Variants in LMNTD1 observed in about 807,000 individuals in gnomAD.
LMNTD1 encodes the protein lamin tail domain containing 1, also known as lamin tail domain-containing protein 1.
A neutral mutation model predicts 50.9 loss-of-function variants in LMNTD1; 35 were observed. The observed-to-expected ratio is 0.69, with a 90% CI of 0.53 to 0.91. The LOEUF (loss-of-function observed/expected upper bound fraction) is 0.91. LMNTD1 is among the 40% of genes least tolerant of loss of function. The pLI is 0.00. For missense variants in LMNTD1, 470 were observed against 475.5 expected (o/e 0.99, Z 0.11); for synonymous variants, 153 against 161.9 (o/e 0.94, Z 0.42).
At chr12:25,499,237 G>GT (rs1939242563) in intron 9 of LMNTD1, among the ~76,000 whole-genome samples, 1 of 151,968 alleles carries the variant, frequency 6.6e-6, no homozygotes, top group Non-Finnish European at 1.5e-5. Flanking sequence ...ACACCCGGCT[G>GT]TTTTTTAAAT....
intron 6 of LMNTD1, among the ~76,000 whole-genome samples, chr12:25,525,566 G>C (rs1941646014): frequency 1.3e-5 from 2 of 152,164 alleles, no homozygotes; most frequent in South Asian, 4.1e-4. Context: ...TTAGGAATAT[G>C]AGATATCAAA....
intron 1 of LMNTD1, among the ~76,000 whole-genome samples, chr12:25,621,254 A>ACACT (rs1421989035): frequency 5.9e-5 from 9 of 152,096 alleles, no homozygotes. Flanking sequence ...AGACAGGGTC[A>ACACT]CACTCTGTCA....
chr12:25,477,644 T>C (rs1422752456), intron 9 of LMNTD1, among the ~76,000 whole-genome samples: 1 of 152,136 alleles, frequency 6.6e-6, no homozygotes, highest in African/African-American at 2.4e-5. Context: ...GATTTGTTTT[T>C]TTCCTGGTGG....
chr12:25,482,558 A>AT (rs1335100174), intron 9 of LMNTD1, among the ~76,000 whole-genome samples: 1 of 152,042 alleles, frequency 6.6e-6, no homozygotes. Context: ...AATTTTGAAT[A>AT]TATCTTTGAA....
In LMNTD1 at chr12:25,506,212, G is replaced by C. The variant is rs569898101; in HGVS notation, c.1190-2412C>G. Among the ~76,000 whole-genome samples, 14 of 152,306 alleles carry C rather than the reference G, an allele frequency of 9.2e-5. No homozygotes were observed. In the East Asian group the frequency reaches 1.7e-3, roughly 19 times the overall value. On this transcript the variant is annotated intron_variant, in intron 8 of 9. Transcript: ENST00000458174. The stretch of plus-strand genomic sequence containing the variant: ...TTCATTCCTGCGTAAGGTTATCTAT[G>C]TTCTGCTTTTATTTATTTTCTAGCA...
At chr12:25,582,369 T>A (rs1035340862) in intron 1 of LMNTD1, 1 of 152,238 alleles carries the variant, frequency 6.6e-6, no homozygotes, top group African/African-American at 2.4e-5. Context: ...TTAAATCAGC[T>A]GTTATTTTTC....
intron 1 of LMNTD1, among the ~76,000 whole-genome samples, chr12:25,566,390 T>C (rs996962902): frequency 6.6e-6 from 1 of 152,240 alleles, no homozygotes; most frequent in Non-Finnish European, 1.5e-5. Flanking sequence ...GCTCCACGTT[T>C]TCGCAAGTGC....
At chr12:25,499,250 T>A (rs1428680833) in intron 9 of LMNTD1, among the ~76,000 whole-genome samples, 1 of 152,044 alleles carries the variant, frequency 6.6e-6, no homozygotes, top group Non-Finnish European at 1.5e-5. Flanking sequence ...TTTTAAATTT[T>A]TTTTGTAGTG....
intron 2 of LMNTD1, among the ~76,000 whole-genome samples, chr12:25,551,935 CA>C (rs1373991494): frequency 2.0e-5 from 3 of 152,302 alleles, no homozygotes; most frequent in African/African-American, 7.2e-5. Context: ...GGGGCAGTTA[CA>C]AAAGCTCAAG....
At position 25,553,261 on chromosome 12, in the gene LMNTD1, G is replaced by T; in HGVS notation, c.-223C>A. 1 of 1,453,630 alleles carries T rather than the reference G, an allele frequency of 6.9e-7. No homozygotes were observed. The highest frequency in any genetic ancestry group is 1.5e-5 in the South Asian group (1 of 67,402). The allele number at this position is 1,453,630 out of a possible 1,614,324, so 90.0% of individuals were successfully genotyped here. On this transcript the variant is annotated 5_prime_UTR_variant, in exon 1 of 10. Coordinates refer to ENST00000458174, the MANE Select transcript of LMNTD1 (RefSeq NM_001145728.2). ...AAGCAGCTTGAGAGGGCAGTAACTTGGCAAAGAGACCTTTATGACTACAGT... is the reference window on the plus strand; with the variant it reads ...AAGCAGCTTGAGAGGGCAGTAACTTTGCAAAGAGACCTTTATGACTACAGT...
In LMNTD1 at chr12:25,551,652, A is replaced by G. The variant is rs543533393; in HGVS notation, c.89+1219T>C. On this transcript the variant is annotated intron_variant, in intron 2 of 9. Transcript: ENST00000458174. The stretch of plus-strand genomic sequence containing the variant: ...AGTGATTCTTTTGCCTTGGCCTCCC[A>G]AATTGCTGGAATTACAGGCATGAGC... Among the ~76,000 whole-genome samples, 4 of 152,312 alleles carry G rather than the reference A, an allele frequency of 2.6e-5. No individual in the cohort carries two copies. In the South Asian group the frequency reaches 8.3e-4, roughly 32 times the overall value.
At chr12:25,520,866 T>C (rs76115254) in intron 6 of LMNTD1, among the ~76,000 whole-genome samples, 216 of 152,292 alleles carry the variant, frequency 1.4e-3, no homozygotes, top group African/African-American at 5.0e-3. Context: ...CAACATTTGT[T>C]ATTATATCTC....
chr12:25,587,917 T>C (rs1459294973), intron 1 of LMNTD1, among the ~76,000 whole-genome samples: 1 of 152,206 alleles, frequency 6.6e-6, no homozygotes, highest in Non-Finnish European at 1.5e-5. Flanking sequence ...CACTTATGTA[T>C]AATTGGCAAC....
chr12:25,630,002 A>G (rs1946679627), intron 1 of LMNTD1, among the ~76,000 whole-genome samples: 1 of 152,170 alleles, frequency 6.6e-6, no homozygotes, highest in Non-Finnish European at 1.5e-5. Flanking sequence ...AAGCTGACCA[A>G]CTAGATCCTT....
At chr12:25,609,389 AGAG>A (rs1402776173) in intron 1 of LMNTD1, among the ~76,000 whole-genome samples, 5 of 152,114 alleles carry the variant, frequency 3.3e-5, no homozygotes, top group African/African-American at 1.2e-4. Context: ...GCAATCCTTT[AGAG>A]AAGAGGTGCT....
chr12:25,614,079 A>C (rs1384548640), intron 1 of LMNTD1, among the ~76,000 whole-genome samples: 4 of 152,160 alleles, frequency 2.6e-5, no homozygotes, highest in Non-Finnish European at 5.9e-5. Flanking sequence ...GGGTAAAAAA[A>C]AAAAGTATCT....
In LMNTD1 at chr12:25,518,938, G is replaced by C. The variant is rs201417186; in HGVS notation, c.1046C>G (p.Pro349Arg). Residue 349 changes from proline (P) to arginine (R), a missense_variant, in exon 8 of 10, where the codon CCT becomes CGT. By Grantham distance (103) the Pro-to-Arg change is moderately radical (BLOSUM62 -2). Transcript: ENST00000458174. ...ATTCTGGCACCAAGGGCTGCGATTA[G>C]GGAAAACGGTTGGTGGGATTTCCTT... ...REKEIPPTVF[P>R]NRSPWCQNPY... The C allele has an allele frequency of 1.2e-6, 2 of 1,614,106 alleles. No individual in the cohort carries two copies. The highest frequency in any genetic ancestry group is 2.7e-5 in the African/African-American group (2 of 75,022).
chr12:25,522,565 T>A (rs1012494514), intron 6 of LMNTD1, among the ~76,000 whole-genome samples: 1 of 152,016 alleles, frequency 6.6e-6, no homozygotes, highest in African/African-American at 2.4e-5. Flanking sequence ...CCAAGCCCCA[T>A]TTTTTTTCCC....
intron 1 of LMNTD1, among the ~76,000 whole-genome samples, chr12:25,612,738 A>C (rs1400129673): frequency 6.6e-6 from 1 of 152,124 alleles, no homozygotes; most frequent in Non-Finnish European, 1.5e-5. Flanking sequence ...TCCCCCGTGT[A>C]TAGAGTTTAA....
Sources: gnomAD v4.1 joint callset for allele counts (sites outside exome capture counted in the v4.1 genomes callset) on GRCh38, gnomAD v4.1.1 for gene constraint, MANE v1.5 for transcripts, NCBI Gene and HGNC (gene_info 2026-07-23, HGNC 2026-07-21) for gene names.